ANKS1B: variants seen among roughly 807,000 people sequenced by gnomAD.
The protein encoded by ANKS1B is ankyrin repeat and sterile alpha motif domain-containing protein 1B.
In ANKS1B, 36 loss-of-function variants were observed where a neutral mutation model predicts 148.3. That is an observed-to-expected ratio of 0.24 (90% CI 0.19 to 0.32). The LOEUF is 0.32. Among genes scored for constraint, ANKS1B ranks in the 10% least tolerant of loss-of-function variants. The pLI is 1.00. For missense variants in ANKS1B, 1,157 were observed against 1,542.6 expected, an observed-to-expected ratio of 0.75 and a Z score of 4.19; for synonymous variants, 542 against 560.8, an observed-to-expected ratio of 0.97 and a Z score of 0.47.
At chr12:99,253,126 C>CT (rs2074833840) in intron 12 of ANKS1B, among the ~76,000 whole-genome samples, 2 of 151,898 alleles carry the variant, frequency 1.3e-5, no homozygotes, top group South Asian at 4.2e-4. Context: ...ACTCAGGAGA[C>CT]TGAGATGGGA....
intron 17 of ANKS1B, chr12:99,049,214 C>T (rs1347837056): frequency 6.6e-6 from 1 of 151,972 alleles, no homozygotes; most frequent in East Asian, 1.9e-4. Context: ...ATTCATCCTC[C>T]CCATTCCTCC....
chr12:99,297,519 A>C (rs2081043199), intron 12 of ANKS1B, among the ~76,000 whole-genome samples: 1 of 152,232 alleles, frequency 6.6e-6, no homozygotes, highest in Non-Finnish European at 1.5e-5. Flanking sequence ...GAACTGTGCT[A>C]GGCAATGGAG....
At chr12:99,482,804 T>A (rs2096432972) in intron 10 of ANKS1B, among the ~76,000 whole-genome samples, 1 of 152,064 alleles carries the variant, frequency 6.6e-6, no homozygotes, top group African/African-American at 2.4e-5. Flanking sequence ...GATTTGATTC[T>A]CAGTGTGATC....
In ANKS1B at chr12:98,801,665, C is replaced by T. The variant is rs910969653; in HGVS notation, c.3142-540G>A. On this transcript the variant is annotated intron_variant, in intron 20 of 26. Coordinates refer to ENST00000683438, the MANE Select transcript of ANKS1B (RefSeq NM_001352186.2). The surrounding 1 kb of genome is among the most constrained non-coding windows in gnomAD (Gnocchi z 5.2). ...ACTAATGGGTGACACTAATTTCTCT[C>T]ATCTGAATTCAATTGCACTGATTTA... Among the ~76,000 whole-genome samples the T allele has an allele frequency of 2.0e-5, 3 of 152,266 alleles. No individual in the cohort carries two copies. The highest frequency in any genetic ancestry group is 6.5e-5 in the Admixed American group (1 of 15,300).
chr12:99,116,610 T>G (rs1410525775), intron 15 of ANKS1B, among the ~76,000 whole-genome samples: 1 of 152,206 alleles, frequency 6.6e-6, no homozygotes, highest in Non-Finnish European at 1.5e-5. Flanking sequence ...TGTTGCTTCT[T>G]CACAGTAGAT....
At chr12:98,990,347 T>C (rs1014953323) in intron 17 of ANKS1B, among the ~76,000 whole-genome samples, 27 of 152,166 alleles carry the variant, frequency 1.8e-4, no homozygotes, top group South Asian at 4.1e-4. Flanking sequence ...ATTTTTTTTT[T>C]CCCAACAAAT....
chr12:98,910,688 T>C (rs1429426665), intron 17 of ANKS1B, among the ~76,000 whole-genome samples: 2 of 152,166 alleles, frequency 1.3e-5, no homozygotes, highest in African/African-American at 2.4e-5. Flanking sequence ...TTGTTGTAAA[T>C]AGTGCATTTA....
chr12:99,041,141 A>C (rs1230815355), intron 17 of ANKS1B, among the ~76,000 whole-genome samples: 2 of 152,196 alleles, frequency 1.3e-5, no homozygotes, highest in Non-Finnish European at 2.9e-5. Context: ...TTCTTGAGCA[A>C]GATTGACAAT....
intron 1 of ANKS1B, among the ~76,000 whole-genome samples, chr12:99,928,268 TTTA>T (rs1226929526): frequency 5.0e-5 from 4 of 80,448 alleles, no homozygotes; most frequent in African/African-American, 1.9e-4. Flanking sequence ...TTTATTTTAT[TTTA>T]TTTTTTTTTT....
intron 17 of ANKS1B, among the ~76,000 whole-genome samples, chr12:98,964,131 TG>T (rs369969520): frequency 3.9e-5 from 6 of 152,046 alleles, no homozygotes; most frequent in South Asian, 2.1e-4. Context: ...CATTAAAAAC[TG>T]GGTGAAATGT....
chr12:99,600,461 G>A (rs1447205979), intron 9 of ANKS1B, among the ~76,000 whole-genome samples: 1 of 151,936 alleles, frequency 6.6e-6, no homozygotes, highest in Non-Finnish European at 1.5e-5. Flanking sequence ...AGACCACAGG[G>A]TACACTAAAT....
intron 9 of ANKS1B, among the ~76,000 whole-genome samples, chr12:99,614,627 C>G (rs932854109): frequency 1.3e-5 from 2 of 151,804 alleles, no homozygotes; most frequent in Non-Finnish European, 2.9e-5. Context: ...TGTTCCTATA[C>G]AAATGCACCA....
In ANKS1B at chr12:99,655,110, G is replaced by A. The variant is rs759628814; in HGVS notation, c.1229C>T (p.Pro410Leu). ...GPSGLWEALT[P>L]CNGCRNLGFP... ...GCCAAGGTTCCTACATCCATTACAC[G>A]GAGTTAATGCTTCCCAAAGTCCTGA... The change falls in exon 9 of 27, where the codon CCG becomes CTG. Residue 410 changes from proline (P) to leucine (L), a missense_variant. This residue lies in a region of ANKS1B where 661 missense variants were observed against 642.1 expected (regional missense o/e 1.03). Coordinates refer to ENST00000683438, the MANE Select transcript of ANKS1B (RefSeq NM_001352186.2). The A allele has an allele frequency of 9.9e-6, 16 of 1,610,402 alleles. No individual in the cohort carries two copies. Among genetic ancestry groups the A allele is most frequent in the East Asian group, 2.2e-5 (1 of 44,768 alleles).
At chr12:99,058,989 G>T (rs1204084376) in intron 16 of ANKS1B, among the ~76,000 whole-genome samples, 1 of 82,460 alleles carries the variant, frequency 1.2e-5, no homozygotes, top group South Asian at 3.7e-4. Context: ...CGCCCGCCTC[G>T]GCCTCCCAAA....
intron 8 of ANKS1B, among the ~76,000 whole-genome samples, chr12:99,768,433 A>G (rs1171879774): frequency 6.6e-6 from 1 of 152,074 alleles, no homozygotes; most frequent in African/African-American, 2.4e-5. Flanking sequence ...CGCCAAGTTT[A>G]TATGTTGAAA....
At chr12:99,119,167 C>T (rs1306304618) in intron 15 of ANKS1B, among the ~76,000 whole-genome samples, 1 of 152,064 alleles carries the variant, frequency 6.6e-6, no homozygotes, top group African/African-American at 2.4e-5. Flanking sequence ...AATACAAACA[C>T]ATGTATCTTA....
intron 1 of ANKS1B, among the ~76,000 whole-genome samples, chr12:99,840,272 A>G (rs1294985061): frequency 6.6e-6 from 1 of 152,192 alleles, no homozygotes; most frequent in African/African-American, 2.4e-5. Flanking sequence ...AGGAACAGCC[A>G]GGACAGCAGT....
intron 9 of ANKS1B, among the ~76,000 whole-genome samples, chr12:99,640,975 C>T (rs1428889624): frequency 1.3e-5 from 2 of 152,120 alleles, no homozygotes; most frequent in Admixed American, 6.5e-5. Context: ...GTATATAAAG[C>T]AGGAAGTTAA....
At chr12:99,078,070 C>T (rs1193940736) in intron 16 of ANKS1B, among the ~76,000 whole-genome samples, 1 of 152,116 alleles carries the variant, frequency 6.6e-6, no homozygotes, top group Admixed American at 6.5e-5. Flanking sequence ...CCACAGTTTC[C>T]ACCACTCCAT....
Sources: allele counts gnomAD v4.1 joint callset (sites outside exome capture counted in the v4.1 genomes callset), GRCh38; gene constraint gnomAD v4.1.1; regional missense constraint gnomAD v4.1.1; non-coding constraint Gnocchi (gnomAD v3.1); transcripts MANE v1.5; gene names NCBI Gene and HGNC (gene_info 2026-07-23, HGNC 2026-07-21).